Variants in PCSK6 observed in about 807,000 individuals in gnomAD.
PCSK6 encodes the protein paired basic amino acid cleaving enzyme 4.
PCSK6 carries 85 observed loss-of-function variants against 123.3 expected under a neutral mutation model. The ratio of observed to expected loss-of-function variants is 0.69; its 90% CI spans 0.58 to 0.83. The LOEUF (loss-of-function observed/expected upper bound fraction) is 0.83, where lower values mean the gene tolerates loss of function less well. Ranked by LOEUF, PCSK6 falls within the 40% of genes least tolerant of loss-of-function variation. The probability of loss-of-function intolerance (pLI) is 0.00; values close to 1 mark genes in which losing one functional copy is unlikely to be tolerated. For synonymous variants in PCSK6, 508 were observed against 516.0 expected, an observed-to-expected ratio of 0.98 and a Z score of 0.21; for missense variants, 1,191 against 1,282.3, an observed-to-expected ratio of 0.93 and a Z score of 1.09.
At chr15:101,356,996 A>G (rs1464716791) in intron 13 of PCSK6, among the ~76,000 whole-genome samples, 2 of 152,232 alleles carry the variant, frequency 1.3e-5, no homozygotes, top group Non-Finnish European at 2.9e-5. Context: ...AGATCACTTA[A>G]TTACTTCATA....
At chr15:101,308,439 T>G (rs1032344183) in intron 20 of PCSK6, 2 of 152,272 alleles carry the variant, frequency 1.3e-5, no homozygotes, top group African/African-American at 4.8e-5. Flanking sequence ...AGAGCAGCCC[T>G]CTGATGGGGT....
At chr15:101,366,986 GGA>G (rs1339882125) in intron 12 of PCSK6, among the ~76,000 whole-genome samples, 1 of 152,192 alleles carries the variant, frequency 6.6e-6, no homozygotes, top group Non-Finnish European at 1.5e-5. Flanking sequence ...GGCATTTGAG[GGA>G]GATGACAATG....
intron 2 of PCSK6, among the ~76,000 whole-genome samples, chr15:101,436,505 GA>G (rs2056605965): frequency 6.6e-6 from 1 of 152,202 alleles, no homozygotes; most frequent in Non-Finnish European, 1.5e-5. Context: ...AGAACAAGGG[GA>G]CTGCAAGCCA....
chr15:101,469,247 T>G (rs1428039452), intron 1 of PCSK6, among the ~76,000 whole-genome samples: 1 of 152,168 alleles, frequency 6.6e-6, no homozygotes, highest in African/African-American at 2.4e-5. Flanking sequence ...TCCCAAGTGA[T>G]GCCCAGAGCA....
chr15:101,346,776 T>G (rs750611793), intron 13 of PCSK6: 233 of 1,230,596 alleles, frequency 1.9e-4, no homozygotes, highest in Non-Finnish European at 2.1e-4. Flanking sequence ...AAATTAGCTA[T>G]GAGGTGAGAC....
intron 11 of PCSK6, among the ~76,000 whole-genome samples, chr15:101,371,589 C>G (rs2041588178): frequency 6.6e-6 from 1 of 152,240 alleles, no homozygotes; most frequent in Admixed American, 6.5e-5. Context: ...AAGGCACTGG[C>G]CTGAGAATTT....
chr15:101,482,267 A>G (rs934946081), intron 1 of PCSK6, among the ~76,000 whole-genome samples: 9 of 152,168 alleles, frequency 5.9e-5, no homozygotes, highest in Admixed American at 5.2e-4. Flanking sequence ...AGGCCTGGTG[A>G]CACCTCCCTG....
chr15:101,360,818 C>T (rs2041200277), intron 13 of PCSK6, among the ~76,000 whole-genome samples: 1 of 152,212 alleles, frequency 6.6e-6, no homozygotes, highest in East Asian at 1.9e-4. Context: ...ACTCAAATGT[C>T]CCTTCCCTGA....
At position 101,332,043 on chromosome 15, in the gene PCSK6, C is replaced by G. The variant is rs771845974; in HGVS notation, c.1859-12G>C. On this transcript the variant is annotated splice_polypyrimidine_tract_variant and intron_variant, in intron 13 of 21. Coordinates refer to ENST00000611716, the MANE Select transcript of PCSK6 (RefSeq NM_002570.5). The stretch of plus-strand genomic sequence containing the variant: ...TTCTTTCAACTTCCCTGGAAGGCAC[C>G]AAACCCACAGAGTTACCTGCCTGTG... 9.0e-5 allele frequency: 143 copies of G among 1,581,746 alleles called. No homozygotes were observed. Among genetic ancestry groups the G allele is most frequent in the Non-Finnish European group, 1.2e-4 (134 of 1,159,672 alleles).
intron 2 of PCSK6, among the ~76,000 whole-genome samples, chr15:101,441,256 C>A (rs1464031297): frequency 6.6e-6 from 1 of 152,112 alleles, no homozygotes; most frequent in East Asian, 1.9e-4. Flanking sequence ...TGCCCTCAGA[C>A]CCAAACTGAA....
At chr15:101,432,161 TC>T in intron 2 of PCSK6, 61 bp from the exon 3 acceptor site, 1 of 1,344,480 alleles carries the variant, frequency 7.4e-7, no homozygotes. Context: ...TTATGTAGCC[TC>T]TTTGCAGGTG....
At chr15:101,400,796 TC>T (rs2042564766) in intron 6 of PCSK6, among the ~76,000 whole-genome samples, 1 of 152,258 alleles carries the variant, frequency 6.6e-6, no homozygotes, top group South Asian at 2.1e-4. Context: ...ATGTACTTCT[TC>T]ACTTGCCAGG....
chr15:101,318,418 C>A lies in PCSK6; in HGVS notation c.2470G>T (p.Ala824Ser). ...CTVCKEGFSL[A>S]RGSCIPDCEP... ...CAGTCAGGAATGCAGCTGCCCCGTG[C>A]AAGGCTGTTGAAAAGAAAGAGGCAG... Residue 824 changes from alanine (A) to serine (S), a missense_variant, in exon 19 of 22, where the codon GCA (alanine) becomes TCA (serine). Physicochemically the swap from Ala to Ser is moderately conservative, Grantham distance 99. Transcript: ENST00000611716. The A allele has an allele frequency of 6.4e-7, 1 of 1,556,390 alleles. No homozygotes were observed. Among genetic ancestry groups the A allele is most frequent in the South Asian group, 1.2e-5 (1 of 84,242 alleles).
intron 1 of PCSK6, among the ~76,000 whole-genome samples, chr15:101,463,831 T>G: frequency 6.6e-6 from 1 of 151,942 alleles, no homozygotes; most frequent in African/African-American, 2.4e-5. Flanking sequence ...TGAGGTCAGG[T>G]AGATTCTTCC....
intron 11 of PCSK6, among the ~76,000 whole-genome samples, chr15:101,376,009 G>T (rs1274530121): frequency 6.6e-6 from 1 of 152,284 alleles, no homozygotes. Context: ...ACTCCAGCCT[G>T]GGTAACAGAG....
intron 9 of PCSK6, among the ~76,000 whole-genome samples, chr15:101,386,681 T>C (rs1392428240): frequency 6.6e-6 from 1 of 152,216 alleles, no homozygotes; most frequent in African/African-American, 2.4e-5. Context: ...TCTCCTTCCT[T>C]TCAAGGCTGA....
intron 13 of PCSK6, among the ~76,000 whole-genome samples, chr15:101,337,936 A>G (rs1029122442): frequency 1.3e-5 from 2 of 152,224 alleles, no homozygotes; most frequent in Non-Finnish European, 2.9e-5. Context: ...TGAAATACAT[A>G]AATCTGACAG....
chr15:101,448,980 T>G (rs2056963044), intron 1 of PCSK6, among the ~76,000 whole-genome samples: 1 of 152,168 alleles, frequency 6.6e-6, no homozygotes, highest in Non-Finnish European at 1.5e-5. Context: ...GTGTGAGTGT[T>G]GTATACACGT....
intron 12 of PCSK6, among the ~76,000 whole-genome samples, chr15:101,366,917 T>C (rs2041413386): frequency 6.6e-6 from 1 of 152,234 alleles, no homozygotes; most frequent in Non-Finnish European, 1.5e-5. Context: ...GAGCAGCTAC[T>C]CAAGCTTGTG....
Sources: gnomAD v4.1 joint callset for allele counts (sites outside exome capture counted in the v4.1 genomes callset) on GRCh38, gnomAD v4.1.1 for gene constraint, MANE v1.5 for transcripts, NCBI Gene and HGNC (gene_info 2026-07-23, HGNC 2026-07-21) for gene names.